Variants in ZNF223 observed in about 807,000 individuals in gnomAD.
ZNF223 encodes the protein zinc finger protein 223.
ZNF223 carries 9 observed loss-of-function variants against 12.3 expected under a neutral mutation model. That is an observed-to-expected ratio of 0.73 (90% CI 0.44 to 1.28). The LOEUF is 1.28. ZNF223 is among the 50% of genes most tolerant of loss of function. The pLI is 0.00. For missense variants in ZNF223, 506 were observed against 579.0 expected, an observed-to-expected ratio of 0.87 and a Z score of 1.29; for synonymous variants, 171 against 195.2, an observed-to-expected ratio of 0.88 and a Z score of 1.03.
At position 44,067,194 on chromosome 19, in the gene ZNF223, T is replaced by C; in HGVS notation, c.1366T>C (p.Ser456Pro). 1 of 1,611,548 alleles carries C rather than the reference T, an allele frequency of 6.2e-7. No homozygotes were observed. Among genetic ancestry groups the C allele is most frequent in the South Asian group, 1.1e-5 (1 of 90,254 alleles). Residue 456 changes from serine (S) to proline (P), a missense_variant, in exon 5 of 5, where the codon TCC becomes CCC. Ser to Pro is a moderately conservative substitution (Grantham distance 74, BLOSUM62 -1). Coordinates refer to ENST00000434772, the MANE Select transcript of ZNF223 (RefSeq NM_013361.6). ...QQKNHSGENPSKCEDCGKRYK... is the reference protein window; with the variant it reads ...QQKNHSGENPPKCEDCGKRYK... Reference sequence around the variant, plus strand: ...AAAAAACCACAGTGGAGAAAATCCATCCAAATGTGAAGACTGTGGGAAGCG... The same window carrying C: ...AAAAAACCACAGTGGAGAAAATCCACCCAAATGTGAAGACTGTGGGAAGCG...
intron 1 of ZNF223, among the ~76,000 whole-genome samples, chr19:44,054,388 T>C (rs1000182776): frequency 3.0e-4 from 46 of 152,136 alleles, no homozygotes; most frequent in African/African-American, 1.1e-3. Context: ...AAGTTTCTTA[T>C]GGGAAAATAC....
rs1976922773 is a variant in ZNF223, at chr19:44,066,809, T to C, written c.981T>C (p.Arg327=). ...GGGAATATGGAAAAGGCTTCATTCG[T>C]AGGCTGGATTTGTGTAAGCATCAGA... ...STGEYGKGFI[R]RLDLCKHQTI... The change falls in exon 5 of 5, where the codon CGT becomes CGC. Residue 327 remains arginine (R), a synonymous_variant. Transcript: ENST00000434772. The C allele has an allele frequency of 1.9e-6, 3 of 1,614,100 alleles. No homozygotes were observed. The East Asian group carries it at 6.7e-5, about 36-fold the overall frequency.
At chr19:44,062,044 C>T (rs1379807435) in intron 4 of ZNF223, among the ~76,000 whole-genome samples, 2 of 152,122 alleles carry the variant, frequency 1.3e-5, no homozygotes, top group Non-Finnish European at 2.9e-5. Context: ...ATCTTCAGTG[C>T]CTAGAATAGT....
At chr19:44,060,034 T>C (rs1976815846) in intron 2 of ZNF223, among the ~76,000 whole-genome samples, 1 of 152,126 alleles carries the variant, frequency 6.6e-6, no homozygotes, top group Admixed American at 6.5e-5. Flanking sequence ...AAATAATTAT[T>C]GGGAATACTG....
At position 44,067,305 on chromosome 19, in the gene ZNF223, G is replaced by A. The variant is rs759871250; in HGVS notation, c.*28G>A. ...GTTGTACATATTTATGGGGTACAGT[G>A]TGATATTTAAATATATGTATATGAT... On this transcript the variant is annotated 3_prime_UTR_variant, in exon 5 of 5. Coordinates refer to ENST00000434772, the MANE Select transcript of ZNF223 (RefSeq NM_013361.6). 3.3e-5 allele frequency: 51 copies of A among 1,568,632 alleles called. No individual in the cohort carries two copies. The highest frequency in any genetic ancestry group is 2.0e-5 in the Non-Finnish European group (23 of 1,150,040).
chr19:44,064,555 G>GT (rs563666313), intron 4 of ZNF223, among the ~76,000 whole-genome samples: 54 of 152,260 alleles, frequency 3.5e-4, no homozygotes, highest in African/African-American at 1.2e-3. Context: ...TTGATGTTTA[G>GT]TATCATGAAG....
intron 4 of ZNF223, among the ~76,000 whole-genome samples, chr19:44,065,559 TG>T (rs1389808842): frequency 9.4e-5 from 14 of 149,666 alleles, no homozygotes; most frequent in Non-Finnish European, 1.6e-4. Context: ...AAATGTGGTA[TG>T]TTTTTTTCTT....
intron 2 of ZNF223, among the ~76,000 whole-genome samples, chr19:44,055,434 G>A (rs947589673): frequency 3.3e-5 from 5 of 151,710 alleles, no homozygotes; most frequent in African/African-American, 7.2e-5. Context: ...GATTATAGGC[G>A]TGAGCCACCG....
At chr19:44,056,361 CAAAA>C (rs1227362311) in intron 2 of ZNF223, among the ~76,000 whole-genome samples, 6 of 78,854 alleles carry the variant, frequency 7.6e-5, no homozygotes, top group African/African-American at 1.5e-4. Flanking sequence ...ACTAAAAATA[CAAAA>C]AAAAAAAAAA....
At chr19:44,058,634 C>A (rs1215101006) in intron 2 of ZNF223, among the ~76,000 whole-genome samples, 1 of 152,196 alleles carries the variant, frequency 6.6e-6, no homozygotes, top group Non-Finnish European at 1.5e-5. Flanking sequence ...GAGGTGTTGG[C>A]AGTTGCAGAC....
intron 2 of ZNF223, among the ~76,000 whole-genome samples, chr19:44,059,236 A>T (rs988321064): frequency 2.0e-5 from 3 of 152,206 alleles, no homozygotes; most frequent in Admixed American, 2.0e-4. Flanking sequence ...GGTTTTCATT[A>T]TGTGGAACAT....
chr19:44,066,714 A>T lies in ZNF223; in HGVS notation c.886A>T (p.Ser296Cys), dbSNP rs777942926. Reference protein sequence around the residue: ...KPFKCEICSVSFRLRSSLNRH... With the variant: ...KPFKCEICSVCFRLRSSLNRH... The stretch of plus-strand genomic sequence containing the variant: ...ATTCAAATGTGAGATATGTAGTGTG[A>T]GCTTCCGTCTTAGGTCAAGTCTTAA... Residue 296 changes from serine (S) to cysteine (C), a missense_variant, in exon 5 of 5, where the codon AGC becomes TGC. Transcript: ENST00000434772. 6.2e-7 allele frequency: 1 copy of T among 1,614,208 alleles called. No individual in the cohort carries two copies. The highest frequency in any genetic ancestry group is 1.7e-5 in the Admixed American group (1 of 60,032).
intron 4 of ZNF223, among the ~76,000 whole-genome samples, chr19:44,062,095 T>C (rs1341514880): frequency 6.6e-6 from 1 of 152,192 alleles, no homozygotes; most frequent in Non-Finnish European, 1.5e-5. Context: ...GGTATCCTGA[T>C]GAATGAATTA....
chr19:44,056,937 A>C (rs961431011), intron 2 of ZNF223, among the ~76,000 whole-genome samples: 1 of 152,156 alleles, frequency 6.6e-6, no homozygotes, highest in Admixed American at 6.5e-5. Context: ...ACCTGGGGCA[A>C]AAATATTTAC....
At chr19:44,056,486 C>T (rs1393240231) in intron 2 of ZNF223, among the ~76,000 whole-genome samples, 1 of 135,880 alleles carries the variant, frequency 7.4e-6, no homozygotes, top group Non-Finnish European at 1.6e-5. Context: ...GAGCCGAGAT[C>T]GCGCCACTGC....
intron 1 of ZNF223, 100 bp from the exon 2 acceptor site, chr19:44,055,009 G>T: frequency 3.5e-6 from 2 of 563,406 alleles, no homozygotes; most frequent in South Asian, 5.5e-5. Context: ...ATGCTGCTGT[G>T]AGCGTTCATG....
In ZNF223 at chr19:44,066,554, A is replaced by T; in HGVS notation, c.726A>T (p.Arg242Ser). The change falls in exon 5 of 5, where the codon AGA becomes AGT. Residue 242 changes from arginine to serine, a missense_variant. By Grantham distance (110) the Arg-to-Ser change is moderately radical. Coordinates refer to ENST00000434772, the MANE Select transcript of ZNF223 (RefSeq NM_013361.6). ...GTGAACAATGTGGGAGAGGCTTCAG[A>T]TGTAGATCAGCACTTACAGTTCATT... ...FKCEQCGRGF[R>S]CRSALTVHCK... 6.2e-7 allele frequency: 1 copy of T among 1,614,174 alleles called. No homozygotes were observed. Among genetic ancestry groups the T allele is most frequent in the Non-Finnish European group, 8.5e-7 (1 of 1,180,012 alleles).
intron 1 of ZNF223, among the ~76,000 whole-genome samples, chr19:44,053,990 T>C (rs1218182045): frequency 6.6e-6 from 1 of 152,198 alleles, no homozygotes; most frequent in African/African-American, 2.4e-5. Flanking sequence ...ATTAACAGCA[T>C]CTCAAGGCAG....
In ZNF223 at chr19:44,066,763, G is replaced by T; in HGVS notation, c.935G>T (p.Gly312Val). Reference protein sequence around the residue: ...SLNRHCVVHTGKKPNSTGEYG... With the variant: ...SLNRHCVVHTVKKPNSTGEYG... ...AATAGGCATTGTGTGGTCCACACAG[G>T]AAAGAAACCAAACAGCACTGGGGAA... Residue 312 changes from glycine to valine, a missense_variant, in exon 5 of 5, where the codon GGA (glycine) becomes GTA (valine). Transcript: ENST00000434772. 6.2e-7 allele frequency: 1 copy of T among 1,614,198 alleles called. No individual in the cohort carries two copies. Among genetic ancestry groups the T allele is most frequent in the Non-Finnish European group, 8.5e-7 (1 of 1,180,040 alleles).
Sources: gnomAD v4.1 joint callset for allele counts (sites outside exome capture counted in the v4.1 genomes callset) on GRCh38, gnomAD v4.1.1 for gene constraint, MANE v1.5 for transcripts, NCBI Gene and HGNC (gene_info 2026-07-23, HGNC 2026-07-21) for gene names.